AGBL2: variants seen among roughly 807,000 people sequenced by gnomAD.
AGBL2 encodes the protein cytosolic carboxypeptidase 2.
A neutral mutation model predicts 103.0 loss-of-function variants in AGBL2; 87 were observed. The ratio of observed to expected loss-of-function variants is 0.84; its 90% CI spans 0.71 to 1.01. The LOEUF (loss-of-function observed/expected upper bound fraction) is 1.01, where lower values mean the gene tolerates loss of function less well. Among genes scored for constraint, AGBL2 ranks in the 50% least tolerant of loss-of-function variants. The probability of loss-of-function intolerance (pLI) is 0.00; values close to 1 mark genes in which losing one functional copy is unlikely to be tolerated. For missense variants in AGBL2, 904 were observed against 1,023.5 expected, an observed-to-expected ratio of 0.88 and a Z score of 1.59; for synonymous variants, 335 against 356.7, an observed-to-expected ratio of 0.94 and a Z score of 0.69.
chr11:47,708,471 CCTTTA>C lies in AGBL2; in HGVS notation c.232+1901_232+1905del, dbSNP rs139665433. Among the ~76,000 whole-genome samples, 231 of 150,354 alleles carry C rather than the reference CCTTTA, an allele frequency of 1.5e-3. 2 individuals carry two copies. In the East Asian group the frequency reaches 0.042, roughly 27 times the overall value. Reference sequence around the variant, plus strand: ...GCAAATTTTTTTTTTTTTAGTTTGTCCTTTACTTTATCAATGGTATTTTTTCCAAA... The same window carrying C: ...GCAAATTTTTTTTTTTTTAGTTTGTCCTTTATCAATGGTATTTTTTCCAAA... On this transcript the variant is annotated intron_variant, in intron 4 of 18. Coordinates refer to ENST00000525123, the MANE Select transcript of AGBL2 (RefSeq NM_024783.4).
chr11:47,697,496 C>G (rs1399875178), intron 8 of AGBL2, among the ~76,000 whole-genome samples: 1 of 149,330 alleles, frequency 6.7e-6, no homozygotes, highest in Non-Finnish European at 1.5e-5. Context: ...CCTTGGCCTT[C>G]CAAAGTGCTG....
chr11:47,687,402 A>G (rs990960564), intron 10 of AGBL2, among the ~76,000 whole-genome samples: 64 of 152,154 alleles, frequency 4.2e-4, no homozygotes, highest in African/African-American at 1.5e-3. Context: ...AAAGAACCCC[A>G]CTTATACTAG....
At chr11:47,661,738 G>C (rs1002824905) in intron 18 of AGBL2, among the ~76,000 whole-genome samples, 1 of 151,540 alleles carries the variant, frequency 6.6e-6, no homozygotes, top group Non-Finnish European at 1.5e-5. Flanking sequence ...AGAAACAACA[G>C]CTTACTAGCT....
chr11:47,708,745 C>T (rs1480491910), intron 4 of AGBL2, among the ~76,000 whole-genome samples: 1 of 149,996 alleles, frequency 6.7e-6, no homozygotes. Context: ...AGCCAGGAGG[C>T]GGAGGTTGTA....
chr11:47,684,941 T>C (rs1345919362), intron 11 of AGBL2, among the ~76,000 whole-genome samples: 1 of 152,144 alleles, frequency 6.6e-6, no homozygotes, highest in Non-Finnish European at 1.5e-5. Context: ...GCGCAGTAGC[T>C]CACGCCTGTA....
rs908649892 is a variant in AGBL2, at chr11:47,660,321, G to T, written c.2561C>A (p.Ser854Ter). Residue 854 changes from serine to a stop codon, truncating the protein, a stop_gained, in exon 19 of 19, where the codon TCA becomes TAA. Transcript: ENST00000525123. LOFTEE classifies it low-confidence loss of function (END_TRUNC). ...MQNKKPGFTV[S>*]CSPKRTINSS... is the part of the protein sequence containing the mutation. ...GTTTATGGTTCTCTTTGGAGAGCAT[G>T]ATACTGTAAAGCCTGGCTTCTTATT... 3 of 1,613,682 alleles carry T rather than the reference G, an allele frequency of 1.9e-6. No homozygotes were observed. The African/African-American group carries it at 4.0e-5, about 22-fold the overall frequency.
At chr11:47,674,114 A>T (rs1033111916) in intron 14 of AGBL2, among the ~76,000 whole-genome samples, 3 of 152,006 alleles carry the variant, frequency 2.0e-5, no homozygotes, top group African/African-American at 7.2e-5. Flanking sequence ...AATAAATAAA[A>T]CAGATATAGT....
Position 47,714,628 on chromosome 11 carries a change from T to C in AGBL2, c.23A>G (p.His8Arg). The part of the protein sequence containing the change: MFPALET[H>R]LKQTIPDPYE... Reference sequence around the variant, plus strand: ...GTGTTGTGTACCGACCTGCTTTAGGTGCGTTTCCAAAGCTGGGAACATGTT... The same window carrying C: ...GTGTTGTGTACCGACCTGCTTTAGGCGCGTTTCCAAAGCTGGGAACATGTT... Residue 8 changes from histidine to arginine, a missense_variant, in exon 2 of 19, where the codon CAC becomes CGC. Transcript: ENST00000525123. 6.2e-7 allele frequency: 1 copy of C among 1,613,808 alleles called. No individual in the cohort carries two copies. The highest frequency in any genetic ancestry group is 8.5e-7 in the Non-Finnish European group (1 of 1,179,994).
Position 47,668,910 on chromosome 11 carries a change from G to A in AGBL2, c.2148-3C>T, listed in dbSNP as rs753236343. 1.9e-6 allele frequency: 3 copies of A among 1,610,270 alleles called. No individual in the cohort carries two copies. Among genetic ancestry groups the A allele is most frequent in the Non-Finnish European group, 2.5e-6 (3 of 1,177,256 alleles). ...GAGAACTGTCAGAGCCACTGGTGCTGTTTCCAAAAGAAAAAAAGAAGAGGA... is the reference window on the plus strand; with the variant it reads ...GAGAACTGTCAGAGCCACTGGTGCTATTTCCAAAAGAAAAAAAGAAGAGGA... On this transcript the variant is annotated splice_polypyrimidine_tract_variant and splice_region_variant and intron_variant, in intron 14 of 18. Transcript: ENST00000525123.
chr11:47,676,759 C>T (rs564139946), intron 14 of AGBL2, among the ~76,000 whole-genome samples: 3 of 134,442 alleles, frequency 2.2e-5, no homozygotes, highest in African/African-American at 8.3e-5. Context: ...GCGGAGCTTG[C>T]GGTGAGTGGA....
rs953575689 is a variant in AGBL2 at position 47,685,427 on chromosome 11, C to CT, written c.1788+465dup. Reference sequence around the variant, plus strand: ...CTGTAGCTGGCAGGACACAGCAATTCTTTTTTTTTTTGAGATGGAGTTCTG... The same window carrying CT: ...CTGTAGCTGGCAGGACACAGCAATTCTTTTTTTTTTTTGAGATGGAGTTCTG... On this transcript the variant is annotated intron_variant, in intron 11 of 18. Transcript: ENST00000525123. Among the ~76,000 whole-genome samples the CT allele has an allele frequency of 6.5e-4, 93 of 144,068 alleles. 1 individual carries two copies. The highest frequency in any genetic ancestry group is 3.1e-3 in the South Asian group (14 of 4,484). 94.5% of individuals were successfully genotyped at this position (144,068 alleles called of 152,430 possible). A position where few individuals can be genotyped will look rare whatever the true frequency, so the allele number is the denominator to read the frequency against.
At chr11:47,695,661 C>T (rs1220054101) in intron 8 of AGBL2, among the ~76,000 whole-genome samples, 3 of 148,428 alleles carry the variant, frequency 2.0e-5, no homozygotes, top group African/African-American at 7.5e-5. Context: ...GTAGCCCCAG[C>T]TACTCAGGAG....
intron 14 of AGBL2, among the ~76,000 whole-genome samples, chr11:47,672,379 A>ATCC (rs1565013741): frequency 6.6e-6 from 1 of 151,968 alleles, no homozygotes; most frequent in East Asian, 1.9e-4. Context: ...CAGTAGTGCA[A>ATCC]TCTTGACTCA....
intron 18 of AGBL2, among the ~76,000 whole-genome samples, chr11:47,662,180 T>C (rs1228394035): frequency 6.6e-6 from 1 of 152,092 alleles, no homozygotes; most frequent in Non-Finnish European, 1.5e-5. Context: ...ATTTTATTTA[T>C]TTATTTATTT....
intron 11 of AGBL2, 119 bp from the exon 12 acceptor site, chr11:47,682,214 G>A (rs1598965712): frequency 8.6e-6 from 9 of 1,046,888 alleles, no homozygotes; most frequent in South Asian, 3.1e-5. Context: ...CCCAAAGCAT[G>A]TTCCACAAAA....
intron 8 of AGBL2, among the ~76,000 whole-genome samples, chr11:47,695,561 G>A (rs1017811262): frequency 6.7e-6 from 1 of 150,290 alleles, no homozygotes; most frequent in South Asian, 2.1e-4. Context: ...GATTGCTTGA[G>A]CACAGGAGTT....
chr11:47,689,510 G>A (rs755940189), intron 10 of AGBL2, among the ~76,000 whole-genome samples: 60 of 151,862 alleles, frequency 4.0e-4, no homozygotes, highest in Non-Finnish European at 2.5e-4. Context: ...TCGCCATGTT[G>A]GCCAGGTTGG....
Position 47,690,558 on chromosome 11 carries a change from A to G in AGBL2, c.1149T>C (p.Phe383=), listed in dbSNP as rs777582819. 3 of 1,614,178 alleles carry G rather than the reference A, an allele frequency of 1.9e-6. No homozygotes were observed. The highest frequency in any genetic ancestry group is 1.6e-4 in the Middle Eastern group (1 of 6,062). ...PFYCLTWTIQ[F]PYDQDTCFFA... ...AGAAGCAAGTGTCCTGGTCATATGG[A>G]AACTGAATGGTCCACGTGAGACAGT... Residue 383 remains phenylalanine (F), a synonymous_variant, in exon 10 of 19, where the codon TTT becomes TTC. Coordinates refer to ENST00000525123, the MANE Select transcript of AGBL2 (RefSeq NM_024783.4).
chr11:47,690,310 CT>C lies in AGBL2; in HGVS notation c.1396del (p.Ser466ValfsTer7), dbSNP rs779224096. ...GCCTTTCATAACCCAGGAGCCATTA[CT>C]TTCTCCAGGGTGAACTCTGGCACTC... is the stretch of plus-strand genomic sequence containing the variant. ...VLSARVHPGE[S>X]NGSWVMKGFL... On this transcript the variant is annotated frameshift_variant, in exon 10 of 19. Coordinates refer to ENST00000525123, the MANE Select transcript of AGBL2 (RefSeq NM_024783.4). LOFTEE classifies it high-confidence loss of function. 1 of 1,613,744 alleles carries C rather than the reference CT, an allele frequency of 6.2e-7. No homozygotes were observed. Among genetic ancestry groups the C allele is most frequent in the Non-Finnish European group, 8.5e-7 (1 of 1,179,880 alleles).
Sources: allele counts gnomAD v4.1 joint callset (sites outside exome capture counted in the v4.1 genomes callset), GRCh38; gene constraint gnomAD v4.1.1; transcripts MANE v1.5; gene names NCBI Gene and HGNC (gene_info 2026-07-23, HGNC 2026-07-21).